Variants in PODN observed in about 807,000 individuals in gnomAD.
PODN encodes the protein podocan proteoglycan.
In PODN, 40 loss-of-function variants were observed where a neutral mutation model predicts 52.7. The observed-to-expected ratio is 0.76, with a 90% CI of 0.59 to 0.99. The LOEUF is 0.99. Among genes scored for constraint, PODN ranks in the 50% least tolerant of loss-of-function variants. The pLI is 0.00. For missense variants in PODN, 720 were observed against 815.1 expected, an observed-to-expected ratio of 0.88 and a Z score of 1.42; for synonymous variants, 396 against 377.9, an observed-to-expected ratio of 1.05 and a Z score of -0.56.
chr1:53,077,302 G>A lies in PODN; in HGVS notation c.694G>A (p.Val232Met), dbSNP rs753238922. ...LILSSNFLRH[V>M]PKHLPPALYK... ...CCTGTCCAGCAACTTCCTGCGCCAC[G>A]TGCCCAAGCACCTGCCGCCTGCCCT... The change falls in exon 6 of 11, where the codon GTG becomes ATG. Residue 232 changes from valine to methionine, a missense_variant. By Grantham distance (21) the Val-to-Met change is conservative (BLOSUM62 1). Coordinates refer to ENST00000312553, the MANE Select transcript of PODN (RefSeq NM_153703.5). 1.6e-5 allele frequency: 26 copies of A among 1,613,232 alleles called. No individual in the cohort carries two copies. In the East Asian group the frequency reaches 1.8e-4, roughly 11 times the overall value.
intron 1 of PODN, 69 bp downstream of exon 1, chr1:53,062,377 T>C (rs1572251472): frequency 2.7e-6 from 3 of 1,108,098 alleles, no homozygotes. Flanking sequence ...CACTCAGACG[T>C]CCCCGCCTCT....
chr1:53,066,754 T>G, intron 1 of PODN: 1 of 1,473,708 alleles, frequency 6.8e-7, no homozygotes, highest in South Asian at 1.2e-5. Context: ...GTGGTGATGA[T>G]AACATTTTCA....
chr1:53,074,524 G>A (rs532741516), intron 3 of PODN, 82 bp from the exon 4 acceptor site: 7 of 1,519,092 alleles, frequency 4.6e-6, no homozygotes, highest in Middle Eastern at 1.7e-4. Context: ...GCAGGCGGGT[G>A]GGGGAGGAGG....
chr1:53,083,736 TG>T (rs1644326050), intron 10 of PODN, among the ~76,000 whole-genome samples: 1 of 152,102 alleles, frequency 6.6e-6, no homozygotes, highest in South Asian at 2.1e-4. Context: ...GCATGGGTCC[TG>T]GGGTCAGGTT....
chr1:53,074,244 C>T (rs1644160612), intron 3 of PODN, among the ~76,000 whole-genome samples: 1 of 152,242 alleles, frequency 6.6e-6, no homozygotes, highest in Non-Finnish European at 1.5e-5. Flanking sequence ...GGCCCGGCCC[C>T]CCTGCCTGTG....
At chr1:53,079,635 T>C (rs1221248248) in intron 8 of PODN, among the ~76,000 whole-genome samples, 3 of 152,090 alleles carry the variant, frequency 2.0e-5, no homozygotes, top group Non-Finnish European at 2.9e-5. Context: ...ATGGTCAGAA[T>C]TAGGCAGGGA....
At chr1:53,080,899 G>A in intron 9 of PODN, 23 bp downstream of exon 9, 3 of 1,612,492 alleles carry the variant, frequency 1.9e-6, no homozygotes, top group Non-Finnish European at 2.5e-6. Flanking sequence ...TCGCGGCCCT[G>A]TACACACCCC....
chr1:53,072,288 C>T (rs374502334), intron 3 of PODN, among the ~76,000 whole-genome samples: 10 of 152,110 alleles, frequency 6.6e-5, no homozygotes, highest in African/African-American at 2.4e-4. Context: ...AAACTAGAAT[C>T]CATAAGTTAT....
intron 3 of PODN, chr1:53,073,456 C>G (rs2150298695): frequency 6.6e-6 from 1 of 152,348 alleles, no homozygotes; most frequent in Non-Finnish European, 1.5e-5. Flanking sequence ...CTTCTGATCC[C>G]TCCCGTGCAC....
chr1:53,075,945 C>T lies in PODN; in HGVS notation c.555C>T (p.Leu185=). The T allele has an allele frequency of 6.3e-7, 1 of 1,598,546 alleles. No homozygotes were observed. The highest frequency in any genetic ancestry group is 8.5e-7 in the Non-Finnish European group (1 of 1,170,920). Residue 185 remains leucine (L), a synonymous_variant, in exon 5 of 11, where the codon CTC becomes CTT. Transcript: ENST00000312553. The part of the protein sequence containing the change: ...AANYLTKIYG[L]TFGQKPNLRS... ...ACTATCTCACCAAGATCTATGGGCT[C>T]ACCTTTGGCCAGAAGCCAAACTTGA...
chr1:53,064,640 T>C (rs1209649660), intron 1 of PODN, among the ~76,000 whole-genome samples: 2 of 152,190 alleles, frequency 1.3e-5, no homozygotes, highest in Non-Finnish European at 2.9e-5. Flanking sequence ...GCCTTGAGGT[T>C]TGGTTCCCTG....
chr1:53,077,417 G>A (rs1644211567), intron 6 of PODN, 71 bp downstream of exon 6: 16 of 1,575,052 alleles, frequency 1.0e-5, no homozygotes, highest in Non-Finnish European at 1.3e-5. Flanking sequence ...GGGCCTGCAG[G>A]GGAAGAGCTC....
chr1:53,075,892 G>A lies in PODN; in HGVS notation c.502G>A (p.Ala168Thr), dbSNP rs911523032. The A allele has an allele frequency of 1.5e-5, 24 of 1,605,174 alleles. No homozygotes were observed. Among genetic ancestry groups the A allele is most frequent in the Non-Finnish European group, 1.8e-5 (21 of 1,175,096 alleles). The change falls in exon 5 of 11, where the codon GCC becomes ACC. Residue 168 changes from alanine (A) to threonine (T), a missense_variant. By Grantham distance (58) the Ala-to-Thr change is moderately conservative. Coordinates refer to ENST00000312553, the MANE Select transcript of PODN (RefSeq NM_153703.5). ...LTLAPRFLPNALISVDFAANY... is the reference protein window; with the variant it reads ...LTLAPRFLPNTLISVDFAANY... ...CTTGGCACCCCGCTTCCTGCCAAAC[G>A]CCCTGATCAGTGTGGACTTTGCTGC...
Position 53,071,148 on chromosome 1 carries a change from G to A in PODN, c.313-387G>A, listed in dbSNP as rs1644110885. On this transcript the variant is annotated intron_variant, in intron 2 of 10. Coordinates refer to ENST00000312553, the MANE Select transcript of PODN (RefSeq NM_153703.5). ...CCCAGCTTTCCATTCATTCTAAGTG[G>A]AGAGGGGACTGCAGGGCCAAGGAGG... The A allele has an allele frequency of 1.2e-5, 2 of 164,380 alleles. 1 individual carries two copies. The highest frequency in any genetic ancestry group is 3.5e-4 in the South Asian group (2 of 5,660). 10.2% of individuals were successfully genotyped at this position (164,380 alleles called of 1,614,324 possible).
intron 10 of PODN, among the ~76,000 whole-genome samples, chr1:53,083,995 G>C (rs1344223632): frequency 6.6e-6 from 1 of 152,160 alleles, no homozygotes; most frequent in African/African-American, 2.4e-5. Flanking sequence ...ACTTGGGTGG[G>C]TGACAGAGGG....
intron 9 of PODN, 69 bp from the exon 10 acceptor site, chr1:53,081,912 C>G (rs780050963): frequency 6.5e-7 from 1 of 1,526,986 alleles, no homozygotes; most frequent in Non-Finnish European, 8.8e-7. Context: ...TCTGGAGAGG[C>G]CAGTCGGGGG....
intron 1 of PODN, among the ~76,000 whole-genome samples, chr1:53,066,546 G>A (rs771657150): frequency 3.3e-4 from 51 of 152,256 alleles, no homozygotes; most frequent in Admixed American, 2.6e-4. Context: ...GGCTAATGGA[G>A]TGAACGGTGC....
intron 1 of PODN, among the ~76,000 whole-genome samples, chr1:53,067,387 T>C (rs1348824769): frequency 6.6e-6 from 1 of 151,980 alleles, no homozygotes; most frequent in East Asian, 1.9e-4. Flanking sequence ...GGTACCGGGG[T>C]CTGTTGTCCC....
chr1:53,068,477 G>A (rs1047668853), intron 1 of PODN, among the ~76,000 whole-genome samples: 4 of 152,176 alleles, frequency 2.6e-5, no homozygotes, highest in Non-Finnish European at 5.9e-5. Context: ...CTCACTTAGT[G>A]CAGCATGTTG....
Sources: gnomAD v4.1 joint callset for allele counts (sites outside exome capture counted in the v4.1 genomes callset) on GRCh38, gnomAD v4.1.1 for gene constraint, MANE v1.5 for transcripts, NCBI Gene and HGNC (gene_info 2026-07-23, HGNC 2026-07-21) for gene names.